Variants in BTN3A1 observed in about 807,000 individuals in gnomAD.
The protein encoded by BTN3A1 is dJ45P21.3 (butyrophilin, subfamily 3, member A1).
In BTN3A1, 24 loss-of-function variants were observed where a neutral mutation model predicts 43.0. The observed-to-expected ratio is 0.56, with a 90% CI of 0.40 to 0.78. BTN3A1 has a LOEUF of 0.78. BTN3A1 is among the 30% of genes least tolerant of loss of function. The pLI is 0.00. For synonymous variants in BTN3A1, 181 were observed against 234.7 expected, an observed-to-expected ratio of 0.77 and a Z score of 2.09; for missense variants, 533 against 626.2, an observed-to-expected ratio of 0.85 and a Z score of 1.59.
At chr6:26,407,469 G>A (rs1391296393) in intron 3 of BTN3A1, among the ~76,000 whole-genome samples, 1 of 152,126 alleles carries the variant, frequency 6.6e-6, no homozygotes, top group Non-Finnish European at 1.5e-5. Context: ...TAACTGTGGT[G>A]GGTGGGAATA....
chr6:26,414,629 A>G lies in BTN3A1; in HGVS notation c.*937A>G, dbSNP rs1025480456. 6.6e-6 allele frequency: 1 copy of G among 152,010 alleles called. No homozygotes were observed. The highest frequency in any genetic ancestry group is 2.4e-5 in the African/African-American group (1 of 41,348). 9.4% of individuals were successfully genotyped at this position (152,010 alleles called of 1,614,324 possible). A position where few individuals can be genotyped will look rare whatever the true frequency, so the allele number is the denominator to read the frequency against. On this transcript the variant is annotated 3_prime_UTR_variant, in exon 10 of 10. Transcript: ENST00000289361. ...ATCAAGGTTTCCAGGCAGAGCAAAT[A>G]CCCTAGAGATTCTCTGTGATATAGG...
Position 26,405,403 on chromosome 6 carries a change from G to C in BTN3A1, c.-161G>C. ...TTCAATGTTGGGACTCAAAGGTGAA[G>C]ACACTGAAGGACAGAATTTTTGGCA... is the stretch of plus-strand genomic sequence containing the variant. On this transcript the variant is annotated 5_prime_UTR_variant, in exon 2 of 10. Transcript: ENST00000289361. 1 of 638,020 alleles carries C rather than the reference G, an allele frequency of 1.6e-6. No homozygotes were observed. Among genetic ancestry groups the C allele is most frequent in the Middle Eastern group, 2.6e-4 (1 of 3,880 alleles). The allele number at this position is 638,020 out of a possible 1,614,324, so 39.5% of individuals were successfully genotyped here. A position where few individuals can be genotyped will look rare whatever the true frequency, so the allele number is the denominator to read the frequency against.
chr6:26,412,923 G>C, intron 9 of BTN3A1: 3 of 1,470,328 alleles, frequency 2.0e-6, no homozygotes, highest in Admixed American at 5.1e-5. Context: ...CCGCGTCAGG[G>C]TATTGGGTTA....
At chr6:26,408,170 T>C in intron 4 of BTN3A1, among the ~76,000 whole-genome samples, 1 of 152,136 alleles carries the variant, frequency 6.6e-6, no homozygotes, top group Non-Finnish European at 1.5e-5. Flanking sequence ...GCCAGAAGTA[T>C]AACAGTAATT....
At position 26,405,485 on chromosome 6, in the gene BTN3A1, T is replaced by G. The variant is rs1205665973; in HGVS notation, c.-79T>G. 7.2e-7 allele frequency: 1 copy of G among 1,394,692 alleles called. No individual in the cohort carries two copies. The highest frequency in any genetic ancestry group is 1.0e-6 in the Non-Finnish European group (1 of 982,128). The allele number at this position is 1,394,692 out of a possible 1,614,324, so 86.4% of individuals were successfully genotyped here. On this transcript the variant is annotated 5_prime_UTR_variant, in exon 2 of 10. Coordinates refer to ENST00000289361, the MANE Select transcript of BTN3A1 (RefSeq NM_007048.6). ...AGTTAGCTCTAGGGAAGTGGAGGTT[T>G]CCATTTGGAATTCTATAGCTTCTTC... is the stretch of plus-strand genomic sequence containing the variant.
In BTN3A1 at chr6:26,405,497, T is replaced by A; in HGVS notation, c.-67T>A. The A allele has an allele frequency of 6.8e-7, 1 of 1,469,900 alleles. No individual in the cohort carries two copies. The highest frequency in any genetic ancestry group is 9.5e-7 in the Non-Finnish European group (1 of 1,049,742). The allele number at this position is 1,469,900 out of a possible 1,614,324, so 91.1% of individuals were successfully genotyped here. A position where few individuals can be genotyped will look rare whatever the true frequency, so the allele number is the denominator to read the frequency against. On this transcript the variant is annotated 5_prime_UTR_variant, in exon 2 of 10. Transcript: ENST00000289361. ...GGAAGTGGAGGTTTCCATTTGGAAT[T>A]CTATAGCTTCTTCCAGGTCATAGTG...
chr6:26,406,704 G>A lies in BTN3A1; in HGVS notation c.433+448G>A, dbSNP rs192838777. ...GACCCTAGAATACACCTGTAGTCAT[G>A]GGAGCTGTGTTTCTTACTTGTTGCA... is the stretch of plus-strand genomic sequence containing the variant. On this transcript the variant is annotated intron_variant, in intron 3 of 9. Coordinates refer to ENST00000289361, the MANE Select transcript of BTN3A1 (RefSeq NM_007048.6). Among the ~76,000 whole-genome samples the A allele has an allele frequency of 8.3e-4, 126 of 152,294 alleles. 1 individual carries two copies. Among genetic ancestry groups the A allele is most frequent in the Middle Eastern group, 3.4e-3 (1 of 294 alleles).
At chr6:26,406,865 A>G (rs764318375) in intron 3 of BTN3A1, among the ~76,000 whole-genome samples, 31 of 152,174 alleles carry the variant, frequency 2.0e-4, no homozygotes, top group Non-Finnish European at 3.5e-4. Flanking sequence ...TCTGCTCTGG[A>G]TGAGACACTG....
chr6:26,409,742 C>G lies in BTN3A1; in HGVS notation c.916+9C>G. 6.4e-7 allele frequency: 1 copy of G among 1,573,112 alleles called. No individual in the cohort carries two copies. Among genetic ancestry groups the G allele is most frequent in the Non-Finnish European group, 8.6e-7 (1 of 1,163,230 alleles). ...AGAACAAAGCACAAGAGGTAGCTGA[C>G]CTTGGGAGTTTATCTGAGCCCCTGG... is the stretch of plus-strand genomic sequence containing the variant. On this transcript the variant is annotated intron_variant, in intron 5 of 9. Transcript: ENST00000289361.
chr6:26,411,577 G>T lies in BTN3A1; in HGVS notation c.1014G>T (p.Lys338Asn). The change falls in exon 9 of 10, where the codon AAG (lysine) becomes AAT (asparagine). Residue 338 changes from lysine (K) to asparagine (N), a missense_variant. Physicochemically the swap from Lys to Asn is moderately conservative, Grantham distance 94. Around this residue, in one of 4 missense-constraint regions of BTN3A1, gnomAD observed 415 missense variants for 427.0 expected, o/e 0.97. Transcript: ENST00000289361. ...CAGAATGGAAAAAGGCCCTCTTCAA[G>T]CCTGGTGAGTAAATCACTGTGTGTT... ...AYNEWKKALF[K>N]PADVILDPKT... 1 of 1,613,530 alleles carries T rather than the reference G, an allele frequency of 6.2e-7. No individual in the cohort carries two copies. Among genetic ancestry groups the T allele is most frequent in the South Asian group, 1.1e-5 (1 of 91,022 alleles).
At chr6:26,413,057 CA>C (rs1762273283) in intron 9 of BTN3A1, 111 bp from the exon 10 acceptor site, 2 of 1,520,440 alleles carry the variant, frequency 1.3e-6, no homozygotes, top group Non-Finnish European at 1.8e-6. Flanking sequence ...AGACTAGGGA[CA>C]CCAGGCTTTG....
chr6:26,406,694 C>A (rs1762031383), intron 3 of BTN3A1, among the ~76,000 whole-genome samples: 1 of 152,178 alleles, frequency 6.6e-6, no homozygotes. Flanking sequence ...TAGAATACAC[C>A]TGTAGTCATG....
intron 6 of BTN3A1, 38 bp downstream of exon 6, chr6:26,409,952 C>A: frequency 6.2e-7 from 1 of 1,614,220 alleles, no homozygotes; most frequent in Non-Finnish European, 8.5e-7. Context: ...GGCATGTCTT[C>A]CTGTCCCTGC....
chr6:26,404,761 C>G (rs1158210743), intron 1 of BTN3A1, among the ~76,000 whole-genome samples: 1 of 152,186 alleles, frequency 6.6e-6, no homozygotes, highest in African/African-American at 2.4e-5. Flanking sequence ...ACTGCTGGGC[C>G]AACTGTGCAA....
chr6:26,413,475 G>A lies in BTN3A1; in HGVS notation c.1325G>A (p.Arg442Gln), dbSNP rs147166656. ...TMGLTDGNKY[R>Q]TLTEPRTNLK... ...GGGCTGACTGATGGGAATAAGTATC[G>A]GACTCTAACTGAGCCCAGAACCAAC... Residue 442 changes from arginine (R) to glutamine (Q), a missense_variant, in exon 10 of 10, where the codon CGG becomes CAG. By Grantham distance (43) the Arg-to-Gln change is conservative (BLOSUM62 1). Transcript: ENST00000289361. The A allele has an allele frequency of 1.3e-4, 204 of 1,614,030 alleles. 1 individual carries two copies. The African/African-American group carries it at 2.3e-3, about 18-fold the overall frequency.
In BTN3A1 at chr6:26,405,971, C is replaced by T. The variant is rs1455123011; in HGVS notation, c.148C>T (p.Leu50=). The T allele has an allele frequency of 6.2e-7, 1 of 1,604,692 alleles. No individual in the cohort carries two copies. Residue 50 remains leucine, a synonymous_variant, in exon 3 of 10, where the codon CTG becomes TTG. Transcript: ENST00000289361. ...GGCCATGGTGGGTGAAGACGCTGATCTGCCCTGTCACCTGTTCCCGACCAT... is the reference window on the plus strand; with the variant it reads ...GGCCATGGTGGGTGAAGACGCTGATTTGCCCTGTCACCTGTTCCCGACCAT... ...ILAMVGEDAD[L]PCHLFPTMSA... is the part of the protein sequence containing the mutation.
In BTN3A1 at chr6:26,413,398, G is replaced by T. The variant is rs747087865; in HGVS notation, c.1248G>T (p.Val416=). 6.2e-7 allele frequency: 1 copy of T among 1,614,132 alleles called. No homozygotes were observed. The highest frequency in any genetic ancestry group is 1.7e-5 in the Admixed American group (1 of 60,008). The change falls in exon 10 of 10, where the codon GTG becomes GTT. Residue 416 remains valine (V), a synonymous_variant. Coordinates refer to ENST00000289361, the MANE Select transcript of BTN3A1 (RefSeq NM_007048.6). ...ATATAGGGGTGTGCAGTAAGAATGT[G>T]CAGAGAAAAGGCTGGGTCAAAATGA... ...EWHIGVCSKN[V]QRKGWVKMTP...
intron 4 of BTN3A1, among the ~76,000 whole-genome samples, chr6:26,408,268 T>A (rs961452436): frequency 2.0e-5 from 3 of 151,872 alleles, no homozygotes; most frequent in Non-Finnish European, 4.4e-5. Flanking sequence ...TACAAACTCA[T>A]AGAGAAAGAG....
In BTN3A1 at chr6:26,410,028, A is replaced by G; in HGVS notation, c.960A>G (p.Ala320=). 6.2e-7 allele frequency: 1 copy of G among 1,613,960 alleles called. No homozygotes were observed. The highest frequency in any genetic ancestry group is 2.2e-5 in the East Asian group (1 of 44,870). ...EELRWRSIQY[A]SRGERHSAYN... is the part of the protein sequence containing the mutation. The stretch of plus-strand genomic sequence containing the variant: ...CAGGATGGAGAAGTATCCAGTATGC[A>G]TCTCGTAAGTGCCTCTGACATTTTC... Residue 320 remains alanine (A), a synonymous_variant, in exon 7 of 10, where the codon GCA becomes GCG. Coordinates refer to ENST00000289361, the MANE Select transcript of BTN3A1 (RefSeq NM_007048.6).
Sources: allele counts gnomAD v4.1 joint callset (sites outside exome capture counted in the v4.1 genomes callset), GRCh38; gene constraint gnomAD v4.1.1; regional missense constraint gnomAD v4.1.1; transcripts MANE v1.5; gene names NCBI Gene and HGNC (gene_info 2026-07-23, HGNC 2026-07-21).